B3GAT1: variants seen among roughly 807,000 people sequenced by gnomAD.
The protein encoded by B3GAT1 is beta-1,3-glucuronyltransferase 1.
A neutral mutation model predicts 28.4 loss-of-function variants in B3GAT1; 11 were observed. The ratio of observed to expected loss-of-function variants is 0.39; its 90% CI spans 0.24 to 0.64. The LOEUF is 0.64. Among genes scored for constraint, B3GAT1 ranks in the 30% least tolerant of loss-of-function variants. The pLI is 0.50. For synonymous variants in B3GAT1, 255 were observed against 223.1 expected (o/e 1.14, Z -1.27); for missense variants, 375 against 491.0 (o/e 0.76, Z 2.23).
rs931002410 is a variant in B3GAT1, at chr11:134,411,725, G to A, written c.-282+82C>T. Reference sequence around the variant, plus strand: ...ACACACCCCAGCGCGCGCCCGGGAGGACATGGCGTGGGCACCGATGGGGAC... The same window carrying A: ...ACACACCCCAGCGCGCGCCCGGGAGAACATGGCGTGGGCACCGATGGGGAC... On this transcript the variant is annotated intron_variant, in intron 1 of 5. Coordinates refer to ENST00000312527, the MANE Select transcript of B3GAT1 (RefSeq NM_054025.3). This position sits in a 1 kb window ranked among gnomAD's most constrained non-coding sequence, Gnocchi z 6.0. 2 of 152,418 alleles carry A rather than the reference G, an allele frequency of 1.3e-5. No individual in the cohort carries two copies. The highest frequency in any genetic ancestry group is 2.4e-5 in the African/African-American group (1 of 41,230). The allele number at this position is 152,418 out of a possible 1,614,324, so 9.4% of individuals were successfully genotyped here. A position where few individuals can be genotyped will look rare whatever the true frequency, so the allele number is the denominator to read the frequency against.
intron 1 of B3GAT1, among the ~76,000 whole-genome samples, chr11:134,395,087 T>C (rs921287441): frequency 1.3e-5 from 2 of 152,170 alleles, no homozygotes; most frequent in African/African-American, 4.8e-5. Context: ...ATGTAGCTAG[T>C]GGTCTTCAGG....
intron 1 of B3GAT1, among the ~76,000 whole-genome samples, chr11:134,404,149 T>C (rs1337055479): frequency 6.6e-6 from 1 of 151,456 alleles, no homozygotes; most frequent in Non-Finnish European, 1.5e-5. Context: ...TAGCAATATC[T>C]CCTAATGCTA....
At chr11:134,397,933 A>G (rs1944536041) in intron 1 of B3GAT1, among the ~76,000 whole-genome samples, 2 of 151,408 alleles carry the variant, frequency 1.3e-5, no homozygotes, top group Non-Finnish European at 2.9e-5. Flanking sequence ...CTTGCCCAGC[A>G]CTCTCTTGAG....
intron 1 of B3GAT1, among the ~76,000 whole-genome samples, chr11:134,409,523 T>A (rs1206624334): frequency 1.3e-5 from 2 of 152,208 alleles, no homozygotes; most frequent in African/African-American, 4.8e-5. Context: ...CTTGACCTCA[T>A]AGCCTGGCCT....
At chr11:134,380,999 G>A (rs963379520) in intron 5 of B3GAT1, among the ~76,000 whole-genome samples, 4 of 152,160 alleles carry the variant, frequency 2.6e-5, no homozygotes, top group Non-Finnish European at 2.9e-5. Flanking sequence ...GGTCCTCTGC[G>A]GGCAAACACA....
chr11:134,399,320 C>G (rs1944564006), intron 1 of B3GAT1, among the ~76,000 whole-genome samples: 2 of 152,224 alleles, frequency 1.3e-5, no homozygotes, highest in Non-Finnish European at 2.9e-5. Flanking sequence ...ACACACCAAC[C>G]AACCTGCTCC....
At chr11:134,398,274 C>G (rs1944543403) in intron 1 of B3GAT1, among the ~76,000 whole-genome samples, 1 of 152,184 alleles carries the variant, frequency 6.6e-6, no homozygotes, top group South Asian at 2.1e-4. Context: ...TTGCTCTGTG[C>G]CCTGTTGACA....
intron 1 of B3GAT1, among the ~76,000 whole-genome samples, chr11:134,408,185 C>A (rs1565461214): frequency 1.3e-5 from 2 of 151,302 alleles, no homozygotes; most frequent in Admixed American, 6.6e-5. Context: ...GGACAGCCTG[C>A]ACCGATTCCA....
chr11:134,412,108 G>GGGAGCGGGGAGGGGGGAGCT lies in B3GAT1; in HGVS notation c.-584_-583insAGCTCCCCCCTCCCCGCTCC, dbSNP rs1555100169. ...AGGCGGGGGGCGGGGGGCGGGGAGG[G>GGGAGCGGGGAGGGGGGAGCT]GGAGCGGGGAGGGGGAGCGGGGAGC... On this transcript the variant is annotated 5_prime_UTR_variant, in exon 1 of 6. Coordinates refer to ENST00000312527, the MANE Select transcript of B3GAT1 (RefSeq NM_054025.3). Among the ~76,000 whole-genome samples, 2 of 107,590 alleles carry GGGAGCGGGGAGGGGGGAGCT rather than the reference G, an allele frequency of 1.9e-5. No individual in the cohort carries two copies. Among genetic ancestry groups the GGGAGCGGGGAGGGGGGAGCT allele is most frequent in the Non-Finnish European group, 3.9e-5 (2 of 50,896 alleles). The allele number at this position is 107,590 out of a possible 152,430, so 70.6% of individuals were successfully genotyped here.
At chr11:134,397,302 C>T (rs2136326236) in intron 1 of B3GAT1, among the ~76,000 whole-genome samples, 1 of 152,334 alleles carries the variant, frequency 6.6e-6, no homozygotes, top group East Asian at 1.9e-4. Flanking sequence ...CTGCTCAGAT[C>T]CTCCTGTGCA....
chr11:134,402,911 TCA>T lies in B3GAT1; in HGVS notation c.-282+8894_-282+8895del, dbSNP rs1491345366. 9.8e-3 allele frequency among the ~76,000 whole-genome samples: 1,437 copies of T among 146,434 alleles called. 26 individuals are homozygous for T. The highest frequency in any genetic ancestry group is 0.034 in the African/African-American group (1,334 of 39,574). On this transcript the variant is annotated intron_variant, in intron 1 of 5. Transcript: ENST00000312527. Reference sequence around the variant, plus strand: ...CTGGGCAACAGAGCGAGACTCTGTTTCAAAAAAAAAAAAAAAAGTCGAAGGGG... The same window carrying T: ...CTGGGCAACAGAGCGAGACTCTGTTTAAAAAAAAAAAAAAAGTCGAAGGGG...
chr11:134,394,401 C>G (rs1281381791), intron 1 of B3GAT1, among the ~76,000 whole-genome samples: 1 of 152,220 alleles, frequency 6.6e-6, no homozygotes, highest in African/African-American at 2.4e-5. Context: ...TGCTCAAACT[C>G]GGGCCTTGGC....
In B3GAT1 at chr11:134,384,048, T is replaced by C. The variant is rs139202203; in HGVS notation, c.253A>G (p.Thr85Ala). 6.2e-7 allele frequency: 1 copy of C among 1,605,206 alleles called. No individual in the cohort carries two copies. Among genetic ancestry groups the C allele is most frequent in the Non-Finnish European group, 8.5e-7 (1 of 1,178,932 alleles). Reference sequence around the variant, plus strand: ...TAGGTGGGCGTCACCACGTGGATGGTGGGCAGCGTGTCGGACCATGGCGGG... The same window carrying C: ...TAGGTGGGCGTCACCACGTGGATGGCGGGCAGCGTGTCGGACCATGGCGGG... ...RPPPWSDTLP[T>A]IHVVTPTYSR... Residue 85 changes from threonine (T) to alanine (A), a missense_variant, in exon 3 of 6, where the codon ACC (threonine) becomes GCC (alanine). Coordinates refer to ENST00000312527, the MANE Select transcript of B3GAT1 (RefSeq NM_054025.3).
At chr11:134,397,006 T>A (rs1250971447) in intron 1 of B3GAT1, among the ~76,000 whole-genome samples, 1 of 152,138 alleles carries the variant, frequency 6.6e-6, no homozygotes, top group Non-Finnish European at 1.5e-5. Flanking sequence ...CAACCTCAGA[T>A]CCAACCACCA....
Position 134,395,219 on chromosome 11 carries a change from T to G in B3GAT1, c.-281-7279A>C, listed in dbSNP as rs533767507. Among the ~76,000 whole-genome samples the G allele has an allele frequency of 7.4e-4, 112 of 151,182 alleles. 2 individuals are homozygous for G. The highest frequency in any genetic ancestry group is 1.5e-3 in the Admixed American group (23 of 15,208). ...CTGCTGGGGCACGCCCGGGGGCGGG[T>G]GGGGAAGCGGGGATGGGCACACAGA... On this transcript the variant is annotated intron_variant, in intron 1 of 5. Transcript: ENST00000312527.
chr11:134,381,678 T>C (rs1024001470), intron 5 of B3GAT1: 27 of 477,076 alleles, frequency 5.7e-5, no homozygotes, highest in Non-Finnish European at 9.5e-5. Flanking sequence ...GCAAGATGTT[T>C]GGAAGGTGAC....
intron 1 of B3GAT1, among the ~76,000 whole-genome samples, chr11:134,394,163 T>C (rs2136322320): frequency 6.6e-6 from 1 of 152,288 alleles, no homozygotes; most frequent in Non-Finnish European, 1.5e-5. Flanking sequence ...TTTGCCCTGG[T>C]CACCGACTGC....
intron 2 of B3GAT1, chr11:134,386,791 G>C (rs930394692): frequency 6.6e-6 from 1 of 152,250 alleles, no homozygotes; most frequent in Non-Finnish European, 1.5e-5. Context: ...CTGTGTATGT[G>C]TGTGTATTAA....
At chr11:134,394,540 T>A (rs887264404) in intron 1 of B3GAT1, among the ~76,000 whole-genome samples, 1 of 152,164 alleles carries the variant, frequency 6.6e-6, no homozygotes, top group Non-Finnish European at 1.5e-5. Flanking sequence ...ATCCCCTGCA[T>A]GGCCTACCTC....
Sources: allele counts gnomAD v4.1 joint callset (sites outside exome capture counted in the v4.1 genomes callset), GRCh38; gene constraint gnomAD v4.1.1; non-coding constraint Gnocchi (gnomAD v3.1); transcripts MANE v1.5; gene names NCBI Gene and HGNC (gene_info 2026-07-23, HGNC 2026-07-21).